FAM210A: variants seen among roughly 807,000 people sequenced by gnomAD.
FAM210A encodes mitochondrial inner membrane scaffold 1, also known as family with sequence similarity 210 member A.
In FAM210A, 13 loss-of-function variants were observed where a neutral mutation model predicts 25.3. That is an observed-to-expected ratio of 0.51 (90% CI 0.33 to 0.82). FAM210A has a LOEUF of 0.82. Ranked by LOEUF, FAM210A falls within the 40% of genes least tolerant of loss-of-function variation. The pLI, the probability that FAM210A is intolerant of heterozygous loss-of-function variation, is 0.02. For missense variants in FAM210A, 319 were observed against 323.2 expected, an observed-to-expected ratio of 0.99 and a Z score of 0.10; for synonymous variants, 125 against 118.7, an observed-to-expected ratio of 1.05 and a Z score of -0.35.
intron 3 of FAM210A, among the ~76,000 whole-genome samples, chr18:13,670,115 T>C (rs2043429828): frequency 6.6e-6 from 1 of 152,014 alleles, no homozygotes; most frequent in South Asian, 2.1e-4. Context: ...CAGAACATAA[T>C]ACCAGGTGCA....
intron 1 of FAM210A, among the ~76,000 whole-genome samples, chr18:13,708,575 A>G (rs4796995): frequency 0.34 from 52,090 of 152,048 alleles, 10,881 homozygotes; most frequent in East Asian, 0.83. Flanking sequence ...TACTCCTATC[A>G]CTCAGGAAAT....
At chr18:13,708,287 G>A (rs138869028) in intron 1 of FAM210A, among the ~76,000 whole-genome samples, 1 of 152,198 alleles carries the variant, frequency 6.6e-6, no homozygotes, top group Non-Finnish European at 1.5e-5. Flanking sequence ...GTATTAGGGG[G>A]GTGTCTGGAT....
At chr18:13,674,183 C>T (rs1181740078) in intron 2 of FAM210A, among the ~76,000 whole-genome samples, 2 of 148,700 alleles carry the variant, frequency 1.3e-5, no homozygotes, top group Admixed American at 6.7e-5. Flanking sequence ...TGAGCCCTGG[C>T]TTCTTTATTT....
intron 2 of FAM210A, among the ~76,000 whole-genome samples, chr18:13,677,197 C>G (rs960378601): frequency 2.6e-5 from 4 of 152,032 alleles, no homozygotes; most frequent in Non-Finnish European, 4.4e-5. Flanking sequence ...GCCTCAGCCT[C>G]CCGAGTAGCT....
chr18:13,725,053 G>C (rs1044787455), intron 1 of FAM210A, among the ~76,000 whole-genome samples: 1 of 152,170 alleles, frequency 6.6e-6, no homozygotes, highest in African/African-American at 2.4e-5. Flanking sequence ...TTACAGAAGT[G>C]AGCCACTGCA....
intron 2 of FAM210A, among the ~76,000 whole-genome samples, chr18:13,678,656 A>T (rs534423661): frequency 6.6e-6 from 1 of 152,342 alleles, no homozygotes; most frequent in South Asian, 2.1e-4. Context: ...GAATTACTGA[A>T]CATGAAGTAT....
At chr18:13,678,190 C>G (rs1233918909) in intron 2 of FAM210A, among the ~76,000 whole-genome samples, 1 of 152,112 alleles carries the variant, frequency 6.6e-6, no homozygotes, top group African/African-American at 2.4e-5. Context: ...AATAAAAGAT[C>G]ATACAAACAA....
Position 13,671,988 on chromosome 18 carries a change from A to C in FAM210A, c.474-15T>G, listed in dbSNP as rs750761325. 10 of 1,547,972 alleles carry C rather than the reference A, an allele frequency of 6.5e-6. No homozygotes were observed. Among genetic ancestry groups the C allele is most frequent in the Non-Finnish European group, 8.9e-6 (10 of 1,127,812 alleles). ...CATTCACTCCTCTACAAAAAAAAAA[A>C]AGTAATTTTCATATGTACAAACTTT... On this transcript the variant is annotated splice_polypyrimidine_tract_variant and intron_variant, in intron 2 of 3. Transcript: ENST00000651643.
At chr18:13,667,731 A>T (rs1435671763) in intron 3 of FAM210A, among the ~76,000 whole-genome samples, 1 of 151,614 alleles carries the variant, frequency 6.6e-6, no homozygotes, top group African/African-American at 2.4e-5. Flanking sequence ...AACAAAACAA[A>T]ACAAAAAACA....
chr18:13,676,624 C>T (rs1044592274), intron 2 of FAM210A, among the ~76,000 whole-genome samples: 14 of 152,212 alleles, frequency 9.2e-5, no homozygotes, highest in African/African-American at 2.9e-4. Flanking sequence ...ATAACATACA[C>T]AATAGTCTAC....
intron 1 of FAM210A, among the ~76,000 whole-genome samples, chr18:13,689,591 C>T (rs111856534): frequency 4.1e-4 from 63 of 152,180 alleles, no homozygotes; most frequent in African/African-American, 1.3e-3. Flanking sequence ...TGGCTGGGAA[C>T]AAGGCAAAGA....
chr18:13,708,436 G>A lies in FAM210A; in HGVS notation c.-29+17893C>T, dbSNP rs557817398. ...AGCCTTTCCTGGAGGATGGTGGGGT[G>A]AGTCTCAAAGTTCCACCACTCTAAT... is the stretch of plus-strand genomic sequence containing the variant. On this transcript the variant is annotated intron_variant, in intron 1 of 3. Coordinates refer to ENST00000651643, the MANE Select transcript of FAM210A (RefSeq NM_152352.4). Among the ~76,000 whole-genome samples, 7 of 152,278 alleles carry A rather than the reference G, an allele frequency of 4.6e-5. No homozygotes were observed. The South Asian group carries it at 1.2e-3, about 27-fold the overall frequency.
At chr18:13,673,156 CT>C (rs1164031521) in intron 2 of FAM210A, among the ~76,000 whole-genome samples, 1 of 151,668 alleles carries the variant, frequency 6.6e-6, no homozygotes, top group Admixed American at 6.6e-5. Flanking sequence ...TCCTGAGCCC[CT>C]GACCTATTTC....
chr18:13,681,751 C>G lies in FAM210A; in HGVS notation c.327G>C (p.Lys109Asn). ...SATAQGTPEK[K>N]EEPDPLQDKS... Reference sequence around the variant, plus strand: ...TGTCTTGCAAAGGATCAGGCTCTTCCTTTTTTTCCGGAGTTCCCTGAGCTG... The same window carrying G: ...TGTCTTGCAAAGGATCAGGCTCTTCGTTTTTTTCCGGAGTTCCCTGAGCTG... Residue 109 changes from lysine (K) to asparagine (N), a missense_variant, in exon 2 of 4, where the codon AAG (lysine) becomes AAC (asparagine). Coordinates refer to ENST00000651643, the MANE Select transcript of FAM210A (RefSeq NM_152352.4). 1 of 1,614,110 alleles carries G rather than the reference C, an allele frequency of 6.2e-7. No homozygotes were observed. Among genetic ancestry groups the G allele is most frequent in the Non-Finnish European group, 8.5e-7 (1 of 1,180,018 alleles).
chr18:13,705,124 T>C (rs1394442462), intron 1 of FAM210A, among the ~76,000 whole-genome samples: 2 of 152,200 alleles, frequency 1.3e-5, no homozygotes, highest in African/African-American at 4.8e-5. Context: ...CAGAAATTAA[T>C]TGAACACCAA....
intron 1 of FAM210A, among the ~76,000 whole-genome samples, chr18:13,724,165 CT>C (rs1469593574): frequency 2.0e-5 from 3 of 152,126 alleles, no homozygotes; most frequent in Admixed American, 6.5e-5. Flanking sequence ...AGATAACATC[CT>C]TATCTAACTA....
rs199972289 is a variant in FAM210A at position 13,701,525 on chromosome 18, C to CA, written c.-28-19421dup. ...TTTTTCTTGTGTGTTTAAGTAGGGG[C>CA]AAAAAAAAATCATTGGCTAAGTTAA... On this transcript the variant is annotated intron_variant, in intron 1 of 3. Transcript: ENST00000651643. Among the ~76,000 whole-genome samples, 604 of 146,488 alleles carry CA rather than the reference C, an allele frequency of 4.1e-3. 1 individual carries two copies. The highest frequency in any genetic ancestry group is 8.0e-3 in the African/African-American group (322 of 40,212).
chr18:13,686,641 G>T (rs1020417312), intron 1 of FAM210A, among the ~76,000 whole-genome samples: 2 of 152,048 alleles, frequency 1.3e-5, no homozygotes, highest in Non-Finnish European at 2.9e-5. Context: ...GTTTCAGGTT[G>T]ACACCCACAA....
intron 1 of FAM210A, among the ~76,000 whole-genome samples, chr18:13,697,894 T>C (rs894596211): frequency 5.9e-5 from 9 of 152,232 alleles, no homozygotes; most frequent in African/African-American, 2.2e-4. Context: ...AGTAATGTGC[T>C]ATTAAGCCAT....
Sources: allele counts gnomAD v4.1 joint callset (sites outside exome capture counted in the v4.1 genomes callset), GRCh38; gene constraint gnomAD v4.1.1; transcripts MANE v1.5; gene names NCBI Gene and HGNC (gene_info 2026-07-23, HGNC 2026-07-21).